Variants in ST8SIA5 observed in about 807,000 individuals in gnomAD.
ST8SIA5 encodes ST8 alpha-N-acetyl-neuraminide alpha-2,8-sialyltransferase 5, also known as alpha-2,8-sialyltransferase 8E.
A neutral mutation model predicts 40.2 loss-of-function variants in ST8SIA5; 24 were observed. The ratio of observed to expected loss-of-function variants is 0.60; its 90% CI spans 0.43 to 0.84. ST8SIA5 has a LOEUF of 0.84. Ranked by LOEUF, ST8SIA5 falls within the 40% of genes least tolerant of loss-of-function variation. The probability of loss-of-function intolerance (pLI) is 0.00; values close to 1 mark genes in which losing one functional copy is unlikely to be tolerated. For synonymous variants in ST8SIA5, 198 were observed against 201.8 expected (o/e 0.98, Z 0.16); for missense variants, 465 against 498.5 (o/e 0.93, Z 0.64).
At chr18:46,748,032 G>A (rs2040157592) in intron 1 of ST8SIA5, among the ~76,000 whole-genome samples, 1 of 151,958 alleles carries the variant, frequency 6.6e-6, no homozygotes, top group Non-Finnish European at 1.5e-5. Flanking sequence ...GAGAACACTT[G>A]GACACAGGGT....
chr18:46,675,860 G>A lies in ST8SIA5; in HGVS notation c.*4182C>T, dbSNP rs957153624. On this transcript the variant is annotated 3_prime_UTR_variant, in exon 7 of 7. Transcript: ENST00000315087. Reference sequence around the variant, plus strand: ...AGCTCAGGAGTTCGAGACTAGCCTCGTCAACATAGCAAAACCCCGTTTCTA... The same window carrying A: ...AGCTCAGGAGTTCGAGACTAGCCTCATCAACATAGCAAAACCCCGTTTCTA... 6.6e-5 allele frequency: 10 copies of A among 151,380 alleles called. No homozygotes were observed. The highest frequency in any genetic ancestry group is 1.9e-4 in the African/African-American group (8 of 41,164). 9.4% of individuals were successfully genotyped at this position (151,380 alleles called of 1,614,324 possible).
In ST8SIA5 at chr18:46,756,645, A is replaced by G; in HGVS notation, c.-137T>C. The G allele has an allele frequency of 9.3e-7, 1 of 1,077,850 alleles. No individual in the cohort carries two copies. Among genetic ancestry groups the G allele is most frequent in the Non-Finnish European group, 1.3e-6 (1 of 772,826 alleles). The allele number at this position is 1,077,850 out of a possible 1,614,324, so 66.8% of individuals were successfully genotyped here. A position where few individuals can be genotyped will look rare whatever the true frequency, so the allele number is the denominator to read the frequency against. On this transcript the variant is annotated 5_prime_UTR_variant, in exon 1 of 7. Coordinates refer to ENST00000315087, the MANE Select transcript of ST8SIA5 (RefSeq NM_013305.6). ...GGCAGGCGGGGGACTTCGAGGGGCA[A>G]AGTTTCTGGTTGGCGCGGCCGGAGC...
At chr18:46,699,537 G>A (rs754477420) in intron 2 of ST8SIA5, among the ~76,000 whole-genome samples, 11 of 151,976 alleles carry the variant, frequency 7.2e-5, no homozygotes, top group Admixed American at 1.3e-4. Flanking sequence ...CTGCTACTAC[G>A]CCTGGCTAAT....
At chr18:46,709,592 T>C (rs2039702357) in intron 1 of ST8SIA5, among the ~76,000 whole-genome samples, 2 of 152,204 alleles carry the variant, frequency 1.3e-5, no homozygotes, top group Admixed American at 6.5e-5. Context: ...TGGATACAGA[T>C]ATACAGACAT....
intron 2 of ST8SIA5, among the ~76,000 whole-genome samples, chr18:46,698,120 AC>A (rs1309088461): frequency 2.0e-5 from 3 of 151,652 alleles, no homozygotes; most frequent in African/African-American, 7.3e-5. Context: ...AATCAAAACA[AC>A]CCAACACACC....
At chr18:46,738,452 G>A (rs1383275542) in intron 1 of ST8SIA5, among the ~76,000 whole-genome samples, 1 of 152,130 alleles carries the variant, frequency 6.6e-6, no homozygotes, top group Non-Finnish European at 1.5e-5. Flanking sequence ...CATTTAAAGA[G>A]GTCCTCATTC....
In ST8SIA5 at chr18:46,756,497, C is replaced by A. The variant is rs1440666740; in HGVS notation, c.12G>T (p.Ala4=). The change falls in exon 1 of 7, where the codon GCG becomes GCT. Residue 4 remains alanine, a synonymous_variant. Coordinates refer to ENST00000315087, the MANE Select transcript of ST8SIA5 (RefSeq NM_013305.6). ...ACAAATCCCGGTTGGCCGAGGGGTC[C>A]GCGTAGCGCATCCTGGCTACCGGGC... MRY[A]DPSANRDLLG... is the part of the protein sequence containing the mutation. The A allele has an allele frequency of 6.2e-7, 1 of 1,612,548 alleles. No individual in the cohort carries two copies. The highest frequency in any genetic ancestry group is 8.5e-7 in the Non-Finnish European group (1 of 1,179,016).
intron 1 of ST8SIA5, 116 bp downstream of exon 1, chr18:46,756,262 G>C: frequency 7.0e-7 from 1 of 1,430,940 alleles, no homozygotes; most frequent in Non-Finnish European, 9.4e-7. Context: ...GGGGCTAGGA[G>C]CGGACCCCAC....
chr18:46,756,419 G>C lies in ST8SIA5; in HGVS notation c.90C>G (p.Thr30=). The part of the protein sequence containing the change: ...FIFICAFALV[T]LLQQILYGRN... Reference sequence around the variant, plus strand: ...TGCCATACAGGATCTGTTGCAGCAAGGTCACCAAGGCAAAGGCGCAGATGA... The same window carrying C: ...TGCCATACAGGATCTGTTGCAGCAACGTCACCAAGGCAAAGGCGCAGATGA... The change falls in exon 1 of 7, where the codon ACC becomes ACG. Residue 30 remains threonine (T), a synonymous_variant. Coordinates refer to ENST00000315087, the MANE Select transcript of ST8SIA5 (RefSeq NM_013305.6). 6.2e-7 allele frequency: 1 copy of C among 1,613,228 alleles called. No homozygotes were observed. Among genetic ancestry groups the C allele is most frequent in the Non-Finnish European group, 8.5e-7 (1 of 1,179,362 alleles).
At chr18:46,687,147 A>G (rs543939083) in intron 4 of ST8SIA5, among the ~76,000 whole-genome samples, 24 of 152,366 alleles carry the variant, frequency 1.6e-4, no homozygotes, top group African/African-American at 5.8e-4. Context: ...CTTGCAAGCC[A>G]GGAATGGATT....
At position 46,678,122 on chromosome 18, in the gene ST8SIA5, T is replaced by G. The variant is rs2039352077; in HGVS notation, c.*1920A>C. 1 of 152,228 alleles carries G rather than the reference T, an allele frequency of 6.6e-6. No individual in the cohort carries two copies. The highest frequency in any genetic ancestry group is 2.1e-4 in the South Asian group (1 of 4,832). The allele number at this position is 152,228 out of a possible 1,614,324, so 9.4% of individuals were successfully genotyped here. Reference sequence around the variant, plus strand: ...AATAACCATCCACTGTCCTTTGCAGTTCTTCCTGGTTTAGCAGGTGTTTGG... The same window carrying G: ...AATAACCATCCACTGTCCTTTGCAGGTCTTCCTGGTTTAGCAGGTGTTTGG... On this transcript the variant is annotated 3_prime_UTR_variant, in exon 7 of 7. Transcript: ENST00000315087.
intron 1 of ST8SIA5, among the ~76,000 whole-genome samples, chr18:46,716,319 C>T (rs566743940): frequency 1.4e-4 from 21 of 152,258 alleles, no homozygotes; most frequent in African/African-American, 4.8e-4. Flanking sequence ...TCACTTGGCT[C>T]GCTCTTCAGC....
rs949157606 is a variant in ST8SIA5, at chr18:46,678,053, C to T, written c.*1989G>A. 1.3e-5 allele frequency: 2 copies of T among 152,190 alleles called. No homozygotes were observed. Among genetic ancestry groups the T allele is most frequent in the African/African-American group, 4.8e-5 (2 of 41,438 alleles). The allele number at this position is 152,190 out of a possible 1,614,324, so 9.4% of individuals were successfully genotyped here. On this transcript the variant is annotated 3_prime_UTR_variant, in exon 7 of 7. Coordinates refer to ENST00000315087, the MANE Select transcript of ST8SIA5 (RefSeq NM_013305.6). ...AATCTCAGGTAACTGGAATCTTTCC[C>T]AGAAATTCCCTCCCTGGGAGAAATA... is the stretch of plus-strand genomic sequence containing the variant.
intron 1 of ST8SIA5, among the ~76,000 whole-genome samples, chr18:46,707,845 T>C (rs891034676): frequency 3.3e-5 from 5 of 152,230 alleles, no homozygotes; most frequent in Non-Finnish European, 5.9e-5. Flanking sequence ...ATGCTGTTTA[T>C]GAACCAGGAA....
intron 5 of ST8SIA5, among the ~76,000 whole-genome samples, chr18:46,683,032 AT>A (rs968748661): frequency 2.0e-5 from 3 of 152,308 alleles, no homozygotes; most frequent in African/African-American, 7.2e-5. Context: ...ATTTGGTGGT[AT>A]TTTTTTATAG....
intron 3 of ST8SIA5, chr18:46,691,312 C>A (rs1265030307): frequency 6.6e-6 from 1 of 152,222 alleles, no homozygotes; most frequent in East Asian, 1.9e-4. Context: ...TAGACTTGGT[C>A]TGGAGCTGCA....
intron 1 of ST8SIA5, among the ~76,000 whole-genome samples, chr18:46,712,589 C>T (rs2039744122): frequency 1.3e-5 from 2 of 152,200 alleles, no homozygotes; most frequent in South Asian, 4.1e-4. Context: ...TCCAGACCAG[C>T]TCTTATTATG....
intron 1 of ST8SIA5, among the ~76,000 whole-genome samples, chr18:46,725,970 A>ATATATATATATAT (rs58550909): frequency 3.1e-5 from 1 of 31,810 alleles, no homozygotes; most frequent in Admixed American, 4.3e-4. Context: ...AAAAAAAAAA[A>ATATATATATATAT]AAATATATAT....
At chr18:46,683,172 G>A (rs1472958595) in intron 5 of ST8SIA5, among the ~76,000 whole-genome samples, 1 of 152,138 alleles carries the variant, frequency 6.6e-6, no homozygotes, top group Non-Finnish European at 1.5e-5. Flanking sequence ...TCAAGGTAGC[G>A]ATACCTTCAG....
Sources: allele counts gnomAD v4.1 joint callset (sites outside exome capture counted in the v4.1 genomes callset), GRCh38; gene constraint gnomAD v4.1.1; transcripts MANE v1.5; gene names NCBI Gene and HGNC (gene_info 2026-07-23, HGNC 2026-07-21).